Variants in MDGA2 observed in about 807,000 individuals in gnomAD.
MDGA2 encodes MAM domain-containing glycosylphosphatidylinositol anchor protein 2.
Under a neutral mutation model 117.8 loss-of-function variants are expected in MDGA2, and 40 were observed. That is an observed-to-expected ratio of 0.34 (90% confidence interval 0.26 to 0.44). MDGA2 has a LOEUF of 0.44. MDGA2 is among the 20% of genes least tolerant of loss of function. The probability of loss-of-function intolerance (pLI) is 1.00; values close to 1 mark genes in which losing one functional copy is unlikely to be tolerated. For synonymous variants in MDGA2, 452 were observed against 439.0 expected, an observed-to-expected ratio of 1.03 and a Z score of -0.37; for missense variants, 1,123 against 1,250.6, an observed-to-expected ratio of 0.90 and a Z score of 1.54.
intron 2 of MDGA2, among the ~76,000 whole-genome samples, chr14:47,231,342 G>C (rs1886682492): frequency 6.6e-6 from 1 of 152,022 alleles, no homozygotes; most frequent in Non-Finnish European, 1.5e-5. Context: ...TGATGCATCA[G>C]AAAGGAAAAT....
chr14:46,845,033 C>T (rs1221881582), intron 16 of MDGA2, among the ~76,000 whole-genome samples: 1 of 152,284 alleles, frequency 6.6e-6, no homozygotes, highest in Middle Eastern at 3.4e-3. Context: ...AGGGACTACA[C>T]GCCCGGCTAA....
chr14:47,640,210 G>A (rs527603561), intron 1 of MDGA2, among the ~76,000 whole-genome samples: 27 of 152,186 alleles, frequency 1.8e-4, no homozygotes, highest in Admixed American at 9.2e-4. Context: ...TTCTTGGATA[G>A]TTTACATCTT....
chr14:47,038,009 A>C (rs1304399752), intron 7 of MDGA2, among the ~76,000 whole-genome samples: 1 of 152,156 alleles, frequency 6.6e-6, no homozygotes, highest in Non-Finnish European at 1.5e-5. Context: ...TGCTCAGTGC[A>C]ACCTCTGCCT....
intron 2 of MDGA2, among the ~76,000 whole-genome samples, chr14:47,225,125 C>A (rs1046788183): frequency 1.3e-5 from 2 of 152,014 alleles, no homozygotes; most frequent in African/African-American, 4.8e-5. Flanking sequence ...CCATCTCACA[C>A]CAGTTAGAAT....
intron 6 of MDGA2, among the ~76,000 whole-genome samples, chr14:47,077,013 T>G (rs1890520797): frequency 6.6e-6 from 1 of 152,082 alleles, no homozygotes; most frequent in African/African-American, 2.4e-5. Context: ...TTAAAACTTG[T>G]CTGGCTGGCA....
intron 4 of MDGA2, among the ~76,000 whole-genome samples, chr14:47,133,970 AT>A (rs1341296877): frequency 1.3e-5 from 2 of 152,074 alleles, no homozygotes; most frequent in East Asian, 1.9e-4. Flanking sequence ...TTTAACCAAT[AT>A]TTTTTTCAGC....
chr14:47,163,876 T>G (rs1003329656), intron 3 of MDGA2, among the ~76,000 whole-genome samples: 3 of 152,146 alleles, frequency 2.0e-5, no homozygotes. Context: ...ACCCTGAATT[T>G]AATATGAGCA....
chr14:47,244,320 A>G (rs1353338916), intron 2 of MDGA2, among the ~76,000 whole-genome samples: 1 of 151,846 alleles, frequency 6.6e-6, no homozygotes, highest in East Asian at 1.9e-4. Flanking sequence ...TATTTTCTGT[A>G]TAAGTTATGT....
intron 3 of MDGA2, among the ~76,000 whole-genome samples, chr14:47,193,132 C>T (rs750089909): frequency 7.2e-5 from 11 of 152,202 alleles, no homozygotes; most frequent in Non-Finnish European, 5.9e-5. Context: ...GGAAAACTTT[C>T]TCAGTCCTCT....
At chr14:47,445,314 A>T (rs534745949) in intron 1 of MDGA2, among the ~76,000 whole-genome samples, 1 of 152,248 alleles carries the variant, frequency 6.6e-6, no homozygotes, top group East Asian at 1.9e-4. Flanking sequence ...CAGCAGCAAG[A>T]TCGTGGAAAA....
intron 14 of MDGA2, among the ~76,000 whole-genome samples, chr14:46,864,545 GTTT>G (rs71112467): frequency 3.1e-4 from 16 of 51,480 alleles, no homozygotes; most frequent in African/African-American, 5.9e-4. Context: ...AGATATTGCT[GTTT>G]TTTTTTTTTT....
intron 1 of MDGA2, among the ~76,000 whole-genome samples, chr14:47,554,213 T>A (rs1895641823): frequency 2.6e-5 from 4 of 152,214 alleles, no homozygotes; most frequent in South Asian, 4.1e-4. Flanking sequence ...CTGTCTCTGA[T>A]GATGAGTATA....
chr14:47,369,611 C>T (rs1184584844), intron 1 of MDGA2, among the ~76,000 whole-genome samples: 2 of 152,064 alleles, frequency 1.3e-5, no homozygotes, highest in African/African-American at 4.8e-5. Flanking sequence ...CTCATAGTGT[C>T]ATAGTGACAG....
At chr14:47,327,575 G>A (rs1387291691) in intron 1 of MDGA2, among the ~76,000 whole-genome samples, 4 of 152,218 alleles carry the variant, frequency 2.6e-5, no homozygotes, top group East Asian at 1.9e-4. Context: ...TATTGCACTC[G>A]TCTTCCAGAA....
chr14:47,033,666 G>A (rs979367746), intron 8 of MDGA2, among the ~76,000 whole-genome samples: 4 of 152,068 alleles, frequency 2.6e-5, no homozygotes, highest in African/African-American at 9.7e-5. Context: ...TCTAAAACCT[G>A]CCTTATTTGG....
intron 2 of MDGA2, among the ~76,000 whole-genome samples, chr14:47,265,400 T>C (rs1854555938): frequency 6.6e-6 from 1 of 152,122 alleles, no homozygotes; most frequent in South Asian, 2.1e-4. Context: ...CCCTATGTTA[T>C]AAAGTTAATC....
chr14:47,314,798 T>C lies in MDGA2; in HGVS notation c.281-13248A>G, dbSNP rs187793797. 9.9e-5 allele frequency among the ~76,000 whole-genome samples: 15 copies of C among 152,192 alleles called. No individual in the cohort carries two copies. In the East Asian group the frequency reaches 1.9e-3, roughly 20 times the overall value. ...ATTATAAATATCAAGCCATAAAGCA[T>C]TGGATTAATAAAGTGTGAAAAATCC... On this transcript the variant is annotated intron_variant, in intron 1 of 16. Coordinates refer to ENST00000399232, the MANE Select transcript of MDGA2 (RefSeq NM_001113498.3).
chr14:47,476,887 C>T (rs1033738546), intron 1 of MDGA2, among the ~76,000 whole-genome samples: 10 of 152,194 alleles, frequency 6.6e-5, no homozygotes, highest in East Asian at 1.9e-4. Flanking sequence ...TTTCACTGGG[C>T]GTGGTGGCTC....
At chr14:47,645,470 A>G (rs1448677215) in intron 1 of MDGA2, among the ~76,000 whole-genome samples, 2 of 151,424 alleles carry the variant, frequency 1.3e-5, no homozygotes, top group African/African-American at 4.8e-5. Context: ...TCCTGACCTC[A>G]AGATCCGCCC....
Sources: gnomAD v4.1 joint callset for allele counts (sites outside exome capture counted in the v4.1 genomes callset) on GRCh38, gnomAD v4.1.1 for gene constraint, MANE v1.5 for transcripts, NCBI Gene and HGNC (gene_info 2026-07-23, HGNC 2026-07-21) for gene names.